The following ZCCHC4 variants were observed in gnomAD, a reference collection of about 807,000 sequenced individuals.
ZCCHC4 encodes the protein zinc finger CCHC-type containing 4.
In ZCCHC4, 54 loss-of-function variants were observed where a neutral mutation model predicts 67.7. That is an observed-to-expected ratio of 0.80 (90% CI 0.64 to 1.00). The LOEUF is 1.00. Ranked by LOEUF, ZCCHC4 falls within the 50% of genes least tolerant of loss-of-function variation. The pLI is 0.00. For missense variants in ZCCHC4, 609 were observed against 617.0 expected, an observed-to-expected ratio of 0.99 and a Z score of 0.14; for synonymous variants, 198 against 213.5, an observed-to-expected ratio of 0.93 and a Z score of 0.63.
intron 12 of ZCCHC4, 67 bp downstream of exon 12, chr4:25,365,233 C>A: frequency 1.3e-6 from 2 of 1,586,300 alleles, no homozygotes; most frequent in Admixed American, 1.7e-5. Context: ...TCCACAAAAG[C>A]ATGCAACATT....
chr4:25,333,179 G>A lies in ZCCHC4; in HGVS notation c.330-4G>A, dbSNP rs766405513. The stretch of plus-strand genomic sequence containing the variant: ...ATTTCTTTGTGTTTTATTTTGTCTT[G>A]AAGGTACTTGAAGTTTATTGAGTTG... On this transcript the variant is annotated splice_region_variant and splice_polypyrimidine_tract_variant and intron_variant, in intron 3 of 12. Transcript: ENST00000302874. 6.2e-7 allele frequency: 1 copy of A among 1,607,848 alleles called. No homozygotes were observed. Among genetic ancestry groups the A allele is most frequent in the East Asian group, 2.2e-5 (1 of 44,724 alleles).
rs1231687413 is a variant in ZCCHC4, at chr4:25,364,476, G to A, written c.1232G>A (p.Cys411Tyr). 6.5e-7 allele frequency: 1 copy of A among 1,534,144 alleles called. No individual in the cohort carries two copies. The highest frequency in any genetic ancestry group is 2.0e-5 in the Admixed American group (1 of 48,990). ...TSKDGRKWNH[C>Y]FLCKKCVKPS... ...TAGGATGGCAGGAAATGGAACCATT[G>A]CTTTCTCTGTAAAAAGTGTGTAAAG... The change falls in exon 11 of 13, where the codon TGC (cysteine) becomes TAC (tyrosine). Residue 411 changes from cysteine (C) to tyrosine (Y), a missense_variant. Cys to Tyr is a radical substitution (Grantham distance 194, BLOSUM62 -2). Transcript: ENST00000302874.
At chr4:25,349,719 A>G (rs1720199879) in intron 7 of ZCCHC4, 77 bp downstream of exon 7, 7 of 1,464,204 alleles carry the variant, frequency 4.8e-6, no homozygotes, top group Middle Eastern at 1.8e-4. Flanking sequence ...AGCTCAGTGA[A>G]TCAGAGCAGT....
intron 8 of ZCCHC4, among the ~76,000 whole-genome samples, chr4:25,352,811 G>C (rs912634886): frequency 6.6e-6 from 1 of 152,194 alleles, no homozygotes; most frequent in Non-Finnish European, 1.5e-5. Flanking sequence ...GTCTTCACTA[G>C]CTGTTGCAAG....
At chr4:25,314,674 C>A (rs1439431649) in intron 2 of ZCCHC4, among the ~76,000 whole-genome samples, 1 of 152,036 alleles carries the variant, frequency 6.6e-6, no homozygotes, top group Non-Finnish European at 1.5e-5. Context: ...AGGGCTCTAC[C>A]CTCTTGACGT....
chr4:25,353,052 A>G (rs1449848941), intron 8 of ZCCHC4, among the ~76,000 whole-genome samples: 2 of 152,128 alleles, frequency 1.3e-5, no homozygotes, highest in Non-Finnish European at 1.5e-5. Context: ...TGCTTTCTTC[A>G]TTATGTCTTA....
chr4:25,340,582 G>C (rs1040736963), intron 5 of ZCCHC4, among the ~76,000 whole-genome samples: 6 of 152,048 alleles, frequency 3.9e-5, no homozygotes, highest in African/African-American at 1.4e-4. Flanking sequence ...GATTAATTTG[G>C]GGAATATTGC....
rs1718201641 is a variant in ZCCHC4 at position 25,315,363 on chromosome 4, T to C, written c.292T>C (p.Cys98Arg). Reference sequence around the variant, plus strand: ...TGCCCGAGAAGCTCATAACCGAAGATGTCAGCCTCCCCTGTCCCGAACGCA... The same window carrying C: ...TGCCCGAGAAGCTCATAACCGAAGACGTCAGCCTCCCCTGTCCCGAACGCA... ...LAAREAHNRRCQPPLSRTQCV... is the reference protein window; with the variant it reads ...LAAREAHNRRRQPPLSRTQCV... Residue 98 changes from cysteine to arginine, a missense_variant, in exon 3 of 13, where the codon TGT becomes CGT. Coordinates refer to ENST00000302874, the MANE Select transcript of ZCCHC4 (RefSeq NM_024936.3). 1 of 1,613,186 alleles carries C rather than the reference T, an allele frequency of 6.2e-7. No homozygotes were observed. Among genetic ancestry groups the C allele is most frequent in the Admixed American group, 1.7e-5 (1 of 59,914 alleles).
intron 10 of ZCCHC4, among the ~76,000 whole-genome samples, chr4:25,362,772 T>C (rs1028636598): frequency 2.0e-5 from 3 of 152,232 alleles, no homozygotes; most frequent in African/African-American, 7.2e-5. Flanking sequence ...CAGTTACTCA[T>C]TGATTTTTTA....
chr4:25,333,537 A>AATAAAAT, intron 4 of ZCCHC4, 79 bp downstream of exon 4: 2 of 1,467,150 alleles, frequency 1.4e-6, no homozygotes, highest in Non-Finnish European at 1.9e-6. Flanking sequence ...GTAGTTACTT[A>AATAAAAT]CTCTGTGCAA....
chr4:25,323,734 C>A (rs1238515744), intron 3 of ZCCHC4, among the ~76,000 whole-genome samples: 2 of 152,102 alleles, frequency 1.3e-5, no homozygotes, highest in Non-Finnish European at 2.9e-5. Context: ...TCATTTTTAC[C>A]TTTACTGAGG....
chr4:25,321,192 C>G (rs749253620), intron 3 of ZCCHC4, among the ~76,000 whole-genome samples: 44 of 152,018 alleles, frequency 2.9e-4, no homozygotes, highest in Non-Finnish European at 5.6e-4. Context: ...TTCTTTCTCT[C>G]TCTTTCACTC....
At chr4:25,367,106 A>G (rs1416514468) in intron 12 of ZCCHC4, among the ~76,000 whole-genome samples, 1 of 152,214 alleles carries the variant, frequency 6.6e-6, no homozygotes, top group Non-Finnish European at 1.5e-5. Flanking sequence ...CATACGTGAC[A>G]TAAAAGGTCT....
chr4:25,337,029 T>C (rs1166831821), intron 5 of ZCCHC4, among the ~76,000 whole-genome samples: 2 of 152,240 alleles, frequency 1.3e-5, no homozygotes, highest in African/African-American at 4.8e-5. Flanking sequence ...CTTTTAAACT[T>C]GTTTATATGC....
At chr4:25,318,625 G>A (rs1395177516) in intron 3 of ZCCHC4, among the ~76,000 whole-genome samples, 3 of 151,570 alleles carry the variant, frequency 2.0e-5, no homozygotes, top group Non-Finnish European at 4.4e-5. Context: ...AAAGTGCTGG[G>A]ATTACAGGCG....
intron 3 of ZCCHC4, among the ~76,000 whole-genome samples, chr4:25,328,646 A>G (rs935794507): frequency 2.0e-5 from 3 of 152,002 alleles, no homozygotes; most frequent in African/African-American, 7.2e-5. Context: ...CAGTGGTGCA[A>G]TCATGGCTCA....
intron 8 of ZCCHC4, among the ~76,000 whole-genome samples, chr4:25,358,323 C>T (rs1004562034): frequency 3.3e-5 from 5 of 152,122 alleles, no homozygotes; most frequent in African/African-American, 7.2e-5. Context: ...CTTTAAGTAC[C>T]GGTACCCTGT....
rs751802021 is a variant in ZCCHC4, at chr4:25,350,254, CT to C, written c.910+636del. 7.9e-3 allele frequency among the ~76,000 whole-genome samples: 667 copies of C among 84,898 alleles called. 8 individuals carry two copies. In the East Asian group the frequency reaches 0.11, roughly 14 times the overall value. The allele number at this position is 84,898 out of a possible 152,430, so 55.7% of individuals were successfully genotyped here. A position where few individuals can be genotyped will look rare whatever the true frequency, so the allele number is the denominator to read the frequency against. On this transcript the variant is annotated intron_variant, in intron 7 of 12. Coordinates refer to ENST00000302874, the MANE Select transcript of ZCCHC4 (RefSeq NM_024936.3). ...TACGGTCTTCAGGCAGGTACTGCTTCTTTTTTTTTTTTTTTTTTTTTTTTGA... is the reference window on the plus strand; with the variant it reads ...TACGGTCTTCAGGCAGGTACTGCTTCTTTTTTTTTTTTTTTTTTTTTTTGA...
chr4:25,327,294 C>G (rs1718931001), intron 3 of ZCCHC4, among the ~76,000 whole-genome samples: 1 of 152,116 alleles, frequency 6.6e-6, no homozygotes, highest in South Asian at 2.1e-4. Flanking sequence ...AGTCTTTCAG[C>G]TGTATGGTGT....
Sources: allele counts gnomAD v4.1 joint callset (sites outside exome capture counted in the v4.1 genomes callset), GRCh38; gene constraint gnomAD v4.1.1; transcripts MANE v1.5; gene names NCBI Gene and HGNC (gene_info 2026-07-23, HGNC 2026-07-21).